The following VPS13A variants were observed in gnomAD, a reference collection of about 807,000 sequenced individuals.
VPS13A encodes vacuolar protein sorting 13 homolog A.
VPS13A carries 264 observed loss-of-function variants against 390.9 expected under a neutral mutation model. The ratio of observed to expected loss-of-function variants is 0.68; its 90% confidence interval spans 0.61 to 0.75. The LOEUF (loss-of-function observed/expected upper bound fraction) is 0.75. VPS13A is among the 30% of genes least tolerant of loss of function. The probability of loss-of-function intolerance (pLI) is 0.00; values close to 1 mark genes in which losing one functional copy is unlikely to be tolerated. For missense variants in VPS13A, 3,409 were observed against 3,733.9 expected (o/e 0.91, Z 2.27); for synonymous variants, 1,231 against 1,227.1 (o/e 1.00, Z -0.07).
chr9:77,314,660 C>A lies in VPS13A; in HGVS notation c.4408C>A (p.Pro1470Thr). 1 of 1,611,256 alleles carries A rather than the reference C, an allele frequency of 6.2e-7. No individual in the cohort carries two copies. The highest frequency in any genetic ancestry group is 1.1e-5 in the South Asian group (1 of 90,998). Residue 1470 changes from proline (P) to threonine (T), a missense_variant, in exon 37 of 72, where the codon CCT becomes ACT. Pro to Thr is a conservative substitution (Grantham distance 38, BLOSUM62 -1). Coordinates refer to ENST00000360280, the MANE Select transcript of VPS13A (RefSeq NM_033305.3). The part of the protein sequence containing the change: ...DKRPHVKKAT[P>T]RMIGLTVGFD... ...AAGACCTCATGTCAAGAAAGCAACT[C>A]CTCGGTATGTATTGTAATGATGTTC...
At chr9:77,184,633 A>G (rs1227017314) in intron 1 of VPS13A, among the ~76,000 whole-genome samples, 1 of 152,234 alleles carries the variant, frequency 6.6e-6, no homozygotes, top group Non-Finnish European at 1.5e-5. Flanking sequence ...AAACAAAAAC[A>G]AAAGAATGCT....
intron 38 of VPS13A, 36 bp downstream of exon 38, chr9:77,315,506 A>G (rs564414549): frequency 1.9e-6 from 3 of 1,588,170 alleles, no homozygotes; most frequent in East Asian, 4.5e-5. Context: ...TATTTGTTTT[A>G]TTGAAGTGCT....
At chr9:77,400,699 G>A (rs1237566662) in intron 68 of VPS13A, among the ~76,000 whole-genome samples, 10 of 151,678 alleles carry the variant, frequency 6.6e-5, no homozygotes, top group Non-Finnish European at 1.2e-4. Context: ...GTGGTGATGG[G>A]TGCCTGTAGT....
chr9:77,396,630 C>G (rs1014539674), intron 68 of VPS13A, among the ~76,000 whole-genome samples: 3 of 152,060 alleles, frequency 2.0e-5, no homozygotes, highest in African/African-American at 7.2e-5. Context: ...GGCCATGGCA[C>G]TCGAGTCTGA....
intron 1 of VPS13A, among the ~76,000 whole-genome samples, chr9:77,181,719 C>T (rs1824031290): frequency 6.6e-6 from 1 of 152,076 alleles, no homozygotes; most frequent in Non-Finnish European, 1.5e-5. Flanking sequence ...ATGGATGGTG[C>T]TCTGAAAATT....
intron 52 of VPS13A, among the ~76,000 whole-genome samples, chr9:77,346,635 T>C (rs955058280): frequency 6.6e-6 from 1 of 152,232 alleles, no homozygotes; most frequent in African/African-American, 2.4e-5. Flanking sequence ...TATTATCTTC[T>C]AGAATTTTTA....
intron 24 of VPS13A, 79 bp from the exon 25 acceptor site, chr9:77,275,419 G>C: frequency 7.3e-7 from 1 of 1,361,310 alleles, no homozygotes. Context: ...GTGTTTTAGT[G>C]TTCATATTTA....
intron 1 of VPS13A, among the ~76,000 whole-genome samples, chr9:77,194,484 A>G (rs1824871345): frequency 1.3e-5 from 2 of 152,086 alleles, no homozygotes; most frequent in Admixed American, 1.3e-4. Context: ...TGGGAGATGG[A>G]CATACCTGGC....
At chr9:77,368,684 T>C (rs1204561005) in intron 62 of VPS13A, among the ~76,000 whole-genome samples, 4 of 152,326 alleles carry the variant, frequency 2.6e-5, no homozygotes, top group East Asian at 3.9e-4. Flanking sequence ...ATCTGACTTA[T>C]ATGTTTCTCC....
At chr9:77,325,209 A>G (rs563336706) in intron 45 of VPS13A, among the ~76,000 whole-genome samples, 1 of 152,294 alleles carries the variant, frequency 6.6e-6, no homozygotes, top group East Asian at 1.9e-4. Flanking sequence ...ATGAGAATCT[A>G]ATGCTCTGGC....
intron 1 of VPS13A, among the ~76,000 whole-genome samples, chr9:77,185,960 C>T (rs961702416): frequency 3.9e-5 from 6 of 152,138 alleles, no homozygotes; most frequent in Non-Finnish European, 8.8e-5. Flanking sequence ...AACCCCATCT[C>T]TACTAGAAAT....
At chr9:77,234,618 A>T (rs1290231206) in intron 17 of VPS13A, among the ~76,000 whole-genome samples, 1 of 152,166 alleles carries the variant, frequency 6.6e-6, no homozygotes, top group Non-Finnish European at 1.5e-5. Flanking sequence ...CCATTCTGCC[A>T]GTCTCTATCT....
At chr9:77,228,405 T>C in intron 17 of VPS13A, 141 bp downstream of exon 17, 1 of 782,958 alleles carries the variant, frequency 1.3e-6, no homozygotes, top group Non-Finnish European at 1.9e-6. Flanking sequence ...AGGTTTTTTT[T>C]TTAATTGTTA....
rs1164821033 is a variant in VPS13A, at chr9:77,321,734, T to C, written c.5818T>C (p.Phe1940Leu). 2.5e-6 allele frequency: 4 copies of C among 1,613,132 alleles called. No individual in the cohort carries two copies. Among genetic ancestry groups the C allele is most frequent in the African/African-American group, 1.3e-5 (1 of 74,916 alleles). Reference protein sequence around the residue: ...AMTSLSSKLFFILLTPVNHST... With the variant: ...AMTSLSSKLFLILLTPVNHST... ...GACCAGCCTAAGCAGCAAACTCTTC[T>C]TCATTCTTCTTAGTAAGTAGTTGAA... Residue 1940 changes from phenylalanine (F) to leucine (L), a missense_variant, in exon 44 of 72, where the codon TTC (phenylalanine) becomes CTC (leucine). Physicochemically the swap from Phe to Leu is conservative, Grantham distance 22. Around this residue, in one of 5 missense-constraint regions of VPS13A, gnomAD observed 2,717 missense variants for 2,917.4 expected, o/e 0.93. Transcript: ENST00000360280.
intron 13 of VPS13A, 31 bp downstream of exon 13, chr9:77,221,387 T>C: frequency 6.2e-7 from 1 of 1,609,360 alleles, no homozygotes; most frequent in Non-Finnish European, 8.5e-7. Flanking sequence ...TGTTGAGTGT[T>C]TTATACTACA....
chr9:77,308,570 T>C (rs905224871), intron 35 of VPS13A, among the ~76,000 whole-genome samples: 1 of 152,156 alleles, frequency 6.6e-6, no homozygotes, highest in African/African-American at 2.4e-5. Flanking sequence ...TGGTGGAGTT[T>C]AACAAATATT....
rs924042623 is a variant in VPS13A, at chr9:77,416,839, A to T, written c.*833A>T. 2.0e-5 allele frequency: 3 copies of T among 152,630 alleles called. No homozygotes were observed. The South Asian group carries it at 6.2e-4, about 32-fold the overall frequency. The allele number at this position is 152,630 out of a possible 1,614,324, so 9.5% of individuals were successfully genotyped here. On this transcript the variant is annotated 3_prime_UTR_variant, in exon 72 of 72. Transcript: ENST00000360280. ...AATGCCTACTTTCCATTCACTGTTA[A>T]CATGGAATAAACACAATTCCCAACA... is the stretch of plus-strand genomic sequence containing the variant.
chr9:77,314,720 A>G, intron 37 of VPS13A, 56 bp downstream of exon 37: 1 of 1,552,162 alleles, frequency 6.4e-7, no homozygotes. Context: ...GATATATTTT[A>G]CAGAATTCAT....
At chr9:77,262,569 G>A (rs1160048320) in intron 23 of VPS13A, among the ~76,000 whole-genome samples, 4 of 152,070 alleles carry the variant, frequency 2.6e-5, no homozygotes, top group Non-Finnish European at 4.4e-5. Context: ...TTCTCCTAAA[G>A]CTATCCCTCC....
Sources: gnomAD v4.1 joint callset for allele counts (sites outside exome capture counted in the v4.1 genomes callset) on GRCh38, gnomAD v4.1.1 for gene constraint, gnomAD v4.1.1 regional missense constraint, MANE v1.5 for transcripts, NCBI Gene and HGNC (gene_info 2026-07-23, HGNC 2026-07-21) for gene names.